Variants in TNS1 observed in about 807,000 individuals in gnomAD.
The protein encoded by TNS1 is tensin 1.
Under a neutral mutation model 168.6 loss-of-function variants are expected in TNS1, and 62 were observed. The ratio of observed to expected loss-of-function variants is 0.37; its 90% CI spans 0.30 to 0.45. TNS1 has a LOEUF of 0.45. Ranked by LOEUF, TNS1 falls within the 20% of genes least tolerant of loss-of-function variation. The pLI is 1.00. For missense variants in TNS1, 2,240 were observed against 2,339.4 expected, an observed-to-expected ratio of 0.96 and a Z score of 0.88; for synonymous variants, 934 against 933.2, an observed-to-expected ratio of 1.00 and a Z score of -0.02.
intron 18 of TNS1, chr2:217,850,445 T>G: frequency 1.0e-6 from 1 of 985,172 alleles, no homozygotes; most frequent in Non-Finnish European, 1.2e-6. Context: ...TGAGCAACAC[T>G]TTCTCTGGAA....
chr2:217,980,895 T>A (rs1958032374), intron 2 of TNS1, among the ~76,000 whole-genome samples: 1 of 152,018 alleles, frequency 6.6e-6, no homozygotes, highest in Admixed American at 6.6e-5. Context: ...CTGGACCAAA[T>A]CCCTCTTATC....
Position 217,832,908 on chromosome 2 carries a change from C to T in TNS1, c.3281-1361G>A, listed in dbSNP as rs532537330. On this transcript the variant is annotated intron_variant, in intron 21 of 32. Coordinates refer to ENST00000682258, the MANE Select transcript of TNS1 (RefSeq NM_001387777.1). ...TAGGCCTCATGTCTCTGTCTATCCT[C>T]CCTCTGTCTTTACATAGACACACAC... is the stretch of plus-strand genomic sequence containing the variant. Among the ~76,000 whole-genome samples the T allele has an allele frequency of 2.0e-4, 30 of 152,206 alleles. No individual in the cohort carries two copies. The South Asian group carries it at 4.4e-3, about 22-fold the overall frequency.
chr2:218,031,220 ATGAGTG>A (rs1205311898), intron 1 of TNS1, among the ~76,000 whole-genome samples: 1 of 130,352 alleles, frequency 7.7e-6, no homozygotes, highest in Non-Finnish European at 1.6e-5. Flanking sequence ...GTCTGTGTGT[ATGAGTG>A]TGAGTGTGTG....
At chr2:218,008,664 C>T (rs1958680531) in intron 1 of TNS1, among the ~76,000 whole-genome samples, 1 of 152,204 alleles carries the variant, frequency 6.6e-6, no homozygotes, top group Admixed American at 6.5e-5. Context: ...GGCACCTTTC[C>T]CCACTGCGGA....
At chr2:217,920,741 G>C (rs925347601) in intron 3 of TNS1, among the ~76,000 whole-genome samples, 2 of 152,128 alleles carry the variant, frequency 1.3e-5, no homozygotes, top group African/African-American at 4.8e-5. Context: ...GCTCCTACCA[G>C]CTCTGGCACT....
At chr2:218,020,411 C>T (rs1008494332) in intron 1 of TNS1, among the ~76,000 whole-genome samples, 3 of 151,952 alleles carry the variant, frequency 2.0e-5, no homozygotes, top group South Asian at 4.2e-4. Flanking sequence ...ACTTGATTAT[C>T]ACCTCTGACA....
chr2:217,806,633 G>A (rs1282859120), intron 32 of TNS1, among the ~76,000 whole-genome samples: 2 of 152,130 alleles, frequency 1.3e-5, no homozygotes, highest in Non-Finnish European at 2.9e-5. Context: ...GGAAATGCAG[G>A]AACTCAAAGC....
intron 4 of TNS1, among the ~76,000 whole-genome samples, chr2:217,916,328 A>G (rs116284001): frequency 2.8e-4 from 42 of 150,704 alleles, no homozygotes; most frequent in Non-Finnish European, 4.9e-4. Flanking sequence ...CAGACCTCCA[A>G]GTCATTCTAC....
At chr2:217,936,610 G>A (rs574372102) in intron 3 of TNS1, among the ~76,000 whole-genome samples, 28 of 152,222 alleles carry the variant, frequency 1.8e-4, no homozygotes, top group African/African-American at 3.4e-4. Flanking sequence ...CAGTACAGCC[G>A]TCACAGTGGC....
chr2:217,892,698 T>C (rs1574975837), intron 11 of TNS1, among the ~76,000 whole-genome samples: 1 of 152,160 alleles, frequency 6.6e-6, no homozygotes, highest in East Asian at 1.9e-4. Flanking sequence ...CATGGGTTGC[T>C]CAGGACAGGG....
intron 2 of TNS1, among the ~76,000 whole-genome samples, chr2:217,980,652 C>T (rs541183879): frequency 4.6e-5 from 7 of 152,280 alleles, no homozygotes; most frequent in African/African-American, 1.7e-4. Flanking sequence ...GTCCCCCCGA[C>T]TCTCAGATCG....
At chr2:217,815,788 G>A (rs1351149312) in intron 24 of TNS1, among the ~76,000 whole-genome samples, 2 of 152,154 alleles carry the variant, frequency 1.3e-5, no homozygotes, top group African/African-American at 4.8e-5. Context: ...GAAGATGAGG[G>A]CAGAAAGATC....
chr2:217,842,339 T>A (rs544524634), intron 19 of TNS1, among the ~76,000 whole-genome samples: 1 of 135,584 alleles, frequency 7.4e-6, no homozygotes, highest in African/African-American at 3.2e-5. Flanking sequence ...CCAAAAGTCA[T>A]GTTTCTAGTG....
chr2:217,862,401 G>T (rs1948863498), intron 18 of TNS1, among the ~76,000 whole-genome samples: 1 of 152,122 alleles, frequency 6.6e-6, no homozygotes, highest in South Asian at 2.1e-4. Context: ...TTCAGAGGCA[G>T]CCCAGTATCC....
chr2:217,966,327 A>G (rs1480562392), intron 3 of TNS1, among the ~76,000 whole-genome samples: 4 of 137,158 alleles, frequency 2.9e-5, no homozygotes, highest in South Asian at 2.5e-4. Flanking sequence ...GCGCGTGTGT[A>G]AGGAGACAGC....
At chr2:217,811,862 C>G (rs2288161) in intron 28 of TNS1, among the ~76,000 whole-genome samples, 11,895 of 152,256 alleles carry the variant, frequency 0.078, 819 homozygotes, top group Admixed American at 0.17. Flanking sequence ...TCTTCCCTAA[C>G]AGCTCAGCAT....
Position 217,813,166 on chromosome 2 carries a change from A to G in TNS1, c.4954+49T>C. On this transcript the variant is annotated intron_variant, in intron 27 of 32. Coordinates refer to ENST00000682258, the MANE Select transcript of TNS1 (RefSeq NM_001387777.1). The surrounding 1 kb of genome is among the most constrained non-coding windows in gnomAD (Gnocchi z 4.0). ...GACCCCTGGAGGAACCCAGGACAGGACCAAGACTCAGGCCAGACTGTAGAG... is the reference window on the plus strand; with the variant it reads ...GACCCCTGGAGGAACCCAGGACAGGGCCAAGACTCAGGCCAGACTGTAGAG... 6.9e-7 allele frequency: 1 copy of G among 1,440,952 alleles called. No homozygotes were observed. Among genetic ancestry groups the G allele is most frequent in the Non-Finnish European group, 9.6e-7 (1 of 1,038,818 alleles). 89.3% of individuals were successfully genotyped at this position (1,440,952 alleles called of 1,614,324 possible).
At chr2:217,820,519 A>G (rs1942665183) in intron 23 of TNS1, among the ~76,000 whole-genome samples, 1 of 152,112 alleles carries the variant, frequency 6.6e-6, no homozygotes, top group African/African-American at 2.4e-5. Context: ...CATTGAGCCA[A>G]TGTAGACTGT....
chr2:217,958,029 A>ACACACACACACACACACACACAC (rs1559387618), intron 3 of TNS1, among the ~76,000 whole-genome samples: 1 of 151,736 alleles, frequency 6.6e-6, no homozygotes, highest in African/African-American at 2.4e-5. Context: ...ACACACACAC[A>ACACACACACACACACACACACAC]AAAGGAGGAG....
Sources: gnomAD v4.1 joint callset for allele counts (sites outside exome capture counted in the v4.1 genomes callset) on GRCh38, gnomAD v4.1.1 for gene constraint, Gnocchi (gnomAD v3.1) non-coding constraint, MANE v1.5 for transcripts, NCBI Gene and HGNC (gene_info 2026-07-23, HGNC 2026-07-21) for gene names.